FGF2: variants seen among roughly 807,000 people sequenced by gnomAD.
The protein encoded by FGF2 is basic fibroblast growth factor bFGF.
Under a neutral mutation model 15.9 loss-of-function variants are expected in FGF2, and 13 were observed. The observed-to-expected ratio is 0.82, with a 90% CI of 0.53 to 1.30. The LOEUF is 1.30. FGF2 is among the 50% of genes most tolerant of loss of function. FGF2 has a pLI of 0.00. For synonymous variants in FGF2, 90 were observed against 78.4 expected, an observed-to-expected ratio of 1.15 and a Z score of -0.78; for missense variants, 163 against 196.9, an observed-to-expected ratio of 0.83 and a Z score of 1.03.
intron 1 of FGF2, among the ~76,000 whole-genome samples, chr4:122,846,009 A>G (rs1468246647): frequency 6.6e-6 from 1 of 152,234 alleles, no homozygotes; most frequent in Non-Finnish European, 1.5e-5. Context: ...GTGAAAGACA[A>G]TGAGACTCTT....
intron 2 of FGF2, among the ~76,000 whole-genome samples, chr4:122,891,030 TTTTTTG>T (rs1727166920): frequency 2.2e-5 from 3 of 135,364 alleles, no homozygotes; most frequent in African/African-American, 8.0e-5. Context: ...TCTTTTTTTT[TTTTTTG>T]TTTTGTTTTG....
intron 2 of FGF2, among the ~76,000 whole-genome samples, chr4:122,887,007 T>G (rs1452418082): frequency 6.6e-6 from 1 of 152,156 alleles, no homozygotes; most frequent in Non-Finnish European, 1.5e-5. Flanking sequence ...TTTCTATATT[T>G]GGCCATCTGT....
chr4:122,868,066 A>G (rs978310878), intron 1 of FGF2, among the ~76,000 whole-genome samples: 2 of 152,078 alleles, frequency 1.3e-5, no homozygotes, highest in African/African-American at 4.8e-5. Context: ...CTTGTTGACA[A>G]TTGTTTCCTT....
intron 1 of FGF2, among the ~76,000 whole-genome samples, chr4:122,858,673 CA>C (rs1726390008): frequency 1.3e-5 from 2 of 152,166 alleles, no homozygotes; most frequent in Admixed American, 1.3e-4. Flanking sequence ...GCTAGGGTTA[CA>C]GACGTGAGCC....
intron 1 of FGF2, among the ~76,000 whole-genome samples, chr4:122,854,436 A>G (rs1726296906): frequency 6.6e-6 from 1 of 152,224 alleles, no homozygotes; most frequent in Non-Finnish European, 1.5e-5. Flanking sequence ...CAAATAGCAT[A>G]TTTTAAAGAA....
At chr4:122,835,282 C>G (rs1193902287) in intron 1 of FGF2, among the ~76,000 whole-genome samples, 2 of 152,124 alleles carry the variant, frequency 1.3e-5, no homozygotes, top group African/African-American at 4.8e-5. Flanking sequence ...GCTGGAAGAA[C>G]TCCTCAGGCG....
intron 1 of FGF2, among the ~76,000 whole-genome samples, chr4:122,842,131 A>G (rs1725996711): frequency 6.6e-6 from 1 of 152,204 alleles, no homozygotes; most frequent in South Asian, 2.1e-4. Context: ...TAAAGCACAC[A>G]GTTCTGCTCT....
At chr4:122,859,686 TAAC>T (rs1423155489) in intron 1 of FGF2, among the ~76,000 whole-genome samples, 1 of 148,934 alleles carries the variant, frequency 6.7e-6, no homozygotes, top group Non-Finnish European at 1.5e-5. Context: ...AAAAGATCTA[TAAC>T]AACTGTTTCC....
intron 2 of FGF2, among the ~76,000 whole-genome samples, chr4:122,879,699 A>G (rs1726923035): frequency 6.6e-6 from 1 of 152,214 alleles, no homozygotes; most frequent in Non-Finnish European, 1.5e-5. Flanking sequence ...AAGCCTCACA[A>G]TCATGGCGGA....
intron 2 of FGF2, chr4:122,882,366 G>C (rs1726976452): frequency 6.6e-6 from 1 of 152,178 alleles, no homozygotes; most frequent in Non-Finnish European, 1.5e-5. Context: ...AAAAAGATGA[G>C]ACAAGTTAAA....
Position 122,892,583 on chromosome 4 carries a change from GTATA to G in FGF2, c.*189_*192del. The G allele has an allele frequency of 6.9e-7, 1 of 1,444,532 alleles. No homozygotes were observed. Among genetic ancestry groups the G allele is most frequent in the East Asian group, 2.5e-5 (1 of 40,192 alleles). 89.5% of individuals were successfully genotyped at this position (1,444,532 alleles called of 1,614,324 possible). ...AGAAAAATAACAAAAGTTGTAAAATGTATATTCTCCCTTTTATATTGCATCTGCT... is the reference window on the plus strand; with the variant it reads ...AGAAAAATAACAAAAGTTGTAAAATGTTCTCCCTTTTATATTGCATCTGCT... On this transcript the variant is annotated 3_prime_UTR_variant, in exon 3 of 3. Coordinates refer to ENST00000644866, the MANE Select transcript of FGF2 (RefSeq NM_001361665.2).
chr4:122,879,827 G>C (rs979936362), intron 2 of FGF2, among the ~76,000 whole-genome samples: 15 of 152,138 alleles, frequency 9.9e-5, no homozygotes, highest in African/African-American at 3.6e-4. Flanking sequence ...CACAAGAACA[G>C]CATGGGAAAG....
chr4:122,843,684 T>A (rs1303042024), intron 1 of FGF2, among the ~76,000 whole-genome samples: 1 of 152,204 alleles, frequency 6.6e-6, no homozygotes, highest in Non-Finnish European at 1.5e-5. Context: ...ACCACCGCAA[T>A]AAAGTAAATA....
chr4:122,888,162 C>A (rs1425802634), intron 2 of FGF2, among the ~76,000 whole-genome samples: 2 of 152,214 alleles, frequency 1.3e-5, no homozygotes, highest in African/African-American at 2.4e-5. Context: ...CATTCTAGAA[C>A]AGAAACTTCA....
At chr4:122,892,182 T>C (rs374895423) in intron 2 of FGF2, 29 bp from the exon 3 acceptor site, 6 of 1,519,452 alleles carry the variant, frequency 3.9e-6, no homozygotes, top group African/African-American at 2.7e-5. Flanking sequence ...ATGATAATAA[T>C]AACAGGTAAT....
At chr4:122,870,409 G>C (rs1439954965) in intron 1 of FGF2, among the ~76,000 whole-genome samples, 3 of 152,182 alleles carry the variant, frequency 2.0e-5, no homozygotes, top group Non-Finnish European at 4.4e-5. Flanking sequence ...AATGATATCA[G>C]CTCTTCTTTG....
Position 122,897,554 on chromosome 4 carries a change from A to T in FGF2, c.*5158A>T. ...AATTTAAATTTTTATTCTTAGCTAT[A>T]AAGCAAGAAAGTAAACACATTAATT... is the stretch of plus-strand genomic sequence containing the variant. On this transcript the variant is annotated 3_prime_UTR_variant, in exon 3 of 3. Coordinates refer to ENST00000644866, the MANE Select transcript of FGF2 (RefSeq NM_001361665.2). 1.8e-6 allele frequency: 2 copies of T among 1,121,790 alleles called. No homozygotes were observed. Among genetic ancestry groups the T allele is most frequent in the East Asian group, 4.7e-5 (2 of 42,538 alleles). 69.5% of individuals were successfully genotyped at this position (1,121,790 alleles called of 1,614,324 possible).
At chr4:122,831,274 G>A (rs771674269) in intron 1 of FGF2, among the ~76,000 whole-genome samples, 6 of 152,070 alleles carry the variant, frequency 3.9e-5, no homozygotes, top group Non-Finnish European at 8.8e-5. Context: ...ACCATAGAGT[G>A]TGCCCTGCTG....
At chr4:122,831,533 G>C (rs1725766198) in intron 1 of FGF2, among the ~76,000 whole-genome samples, 1 of 152,142 alleles carries the variant, frequency 6.6e-6, no homozygotes, top group Non-Finnish European at 1.5e-5. Context: ...TTTACTTAAT[G>C]AACGTGATAT....
Sources: allele counts gnomAD v4.1 joint callset (sites outside exome capture counted in the v4.1 genomes callset), GRCh38; gene constraint gnomAD v4.1.1; transcripts MANE v1.5; gene names NCBI Gene and HGNC (gene_info 2026-07-23, HGNC 2026-07-21).